The following ST3GAL3 variants were observed in gnomAD, a reference collection of about 807,000 sequenced individuals.
ST3GAL3 encodes ST3 beta-galactoside alpha-2,3-sialyltransferase 3.
A neutral mutation model predicts 50.1 loss-of-function variants in ST3GAL3; 21 were observed. That is an observed-to-expected ratio of 0.42 (90% confidence interval 0.30 to 0.60). The LOEUF (loss-of-function observed/expected upper bound fraction) is 0.60, where lower values mean the gene tolerates loss of function less well. Among genes scored for constraint, ST3GAL3 ranks in the 20% least tolerant of loss-of-function variants. The pLI is 0.19. For synonymous variants in ST3GAL3, 183 were observed against 190.0 expected (o/e 0.96, Z 0.30); for missense variants, 353 against 489.4 (o/e 0.72, Z 2.63).
intron 1 of ST3GAL3, among the ~76,000 whole-genome samples, chr1:43,717,024 T>C (rs1350057308): frequency 6.6e-6 from 1 of 152,208 alleles, no homozygotes; most frequent in Non-Finnish European, 1.5e-5. Flanking sequence ...TCATTGCCAA[T>C]GGGATAAATT....
chr1:43,874,595 A>G (rs927382919), intron 5 of ST3GAL3, among the ~76,000 whole-genome samples: 1 of 152,202 alleles, frequency 6.6e-6, no homozygotes, highest in African/African-American at 2.4e-5. Context: ...TCCAGAAATG[A>G]GATGATGTAA....
intron 5 of ST3GAL3, among the ~76,000 whole-genome samples, chr1:43,889,559 G>A (rs1413658282): frequency 6.6e-6 from 1 of 152,196 alleles, no homozygotes; most frequent in Admixed American, 6.5e-5. Context: ...TTCTAGTGGG[G>A]TATACCCTAA....
chr1:43,731,086 A>ACAGTGGTGCAACCTTGGCTTACTG lies in ST3GAL3; in HGVS notation c.-30-5144_-30-5121dup, dbSNP rs1324423112. On this transcript the variant is annotated intron_variant, in intron 1 of 11. Coordinates refer to ENST00000347631, the MANE Select transcript of ST3GAL3 (RefSeq NM_006279.5). ...CTCACTCTGTCATCCAGGCTGGAGT[A>ACAGTGGTGCAACCTTGGCTTACTG]CAGTGGTGCAACCTTGGCTTACTGC... 2.3e-4 allele frequency among the ~76,000 whole-genome samples: 35 copies of ACAGTGGTGCAACCTTGGCTTACTG among 151,958 alleles called. 1 individual carries two copies. The highest frequency in any genetic ancestry group is 2.0e-4 in the Admixed American group (3 of 15,244).
At position 43,921,002 on chromosome 1, in the gene ST3GAL3, G is replaced by C. The variant is rs906995429; in HGVS notation, c.1038+74G>C. The stretch of plus-strand genomic sequence containing the variant: ...GTGCATAAATGAGTAGTAAAGGGAG[G>C]AGCCAGTGGCTGGTCTGGCTGCCCA... On this transcript the variant is annotated intron_variant, in intron 11 of 11. Coordinates refer to ENST00000347631, the MANE Select transcript of ST3GAL3 (RefSeq NM_006279.5). 4 of 1,526,074 alleles carry C rather than the reference G, an allele frequency of 2.6e-6. No individual in the cohort carries two copies. The African/African-American group carries it at 5.5e-5, about 21-fold the overall frequency. The allele number at this position is 1,526,074 out of a possible 1,614,324, so 94.5% of individuals were successfully genotyped here. A position where few individuals can be genotyped will look rare whatever the true frequency, so the allele number is the denominator to read the frequency against.
chr1:43,815,794 T>G (rs1197455452), intron 4 of ST3GAL3, among the ~76,000 whole-genome samples: 4 of 152,132 alleles, frequency 2.6e-5, no homozygotes. Context: ...CCTTCCAGGA[T>G]CCTTCCCTAC....
intron 5 of ST3GAL3, among the ~76,000 whole-genome samples, chr1:43,865,753 A>G (rs2071176061): frequency 6.6e-6 from 1 of 152,224 alleles, no homozygotes; most frequent in Non-Finnish European, 1.5e-5. Flanking sequence ...TATTGTTTAC[A>G]GGACCTCTTG....
intron 1 of ST3GAL3, among the ~76,000 whole-genome samples, chr1:43,720,844 T>C (rs1343378322): frequency 6.6e-6 from 1 of 152,162 alleles, no homozygotes; most frequent in African/African-American, 2.4e-5. Flanking sequence ...CATAGCAGCG[T>C]TATTCAGCCA....
intron 3 of ST3GAL3, among the ~76,000 whole-genome samples, chr1:43,809,463 A>G (rs1264971142): frequency 2.0e-5 from 3 of 152,194 alleles, no homozygotes; most frequent in Non-Finnish European, 2.9e-5. Flanking sequence ...GCACTTTGGG[A>G]GGCTGAGGAA....
intron 2 of ST3GAL3, among the ~76,000 whole-genome samples, chr1:43,770,198 A>C (rs181085532): frequency 4.3e-5 from 6 of 140,834 alleles, no homozygotes; most frequent in Admixed American, 1.4e-4. Context: ...AAGAGAGAGG[A>C]GACAGAGAGA....
chr1:43,850,844 TC>T, intron 5 of ST3GAL3: 1 of 1,183,968 alleles, frequency 8.4e-7, no homozygotes, highest in Non-Finnish European at 1.3e-6. Flanking sequence ...TGTGGGGACC[TC>T]CCTGAAGGCC....
chr1:43,712,256 C>G (rs1348667295), intron 1 of ST3GAL3, among the ~76,000 whole-genome samples: 1 of 152,214 alleles, frequency 6.6e-6, no homozygotes, highest in Non-Finnish European at 1.5e-5. Context: ...TTAGAAGAAA[C>G]TTGAGAAATC....
At chr1:43,740,313 G>A (rs1042671241) in intron 2 of ST3GAL3, among the ~76,000 whole-genome samples, 2 of 150,714 alleles carry the variant, frequency 1.3e-5, no homozygotes, top group Non-Finnish European at 3.0e-5. Flanking sequence ...CAGTGAGCCT[G>A]GGCCACAGAG....
At chr1:43,911,915 C>T (rs1423128257) in intron 9 of ST3GAL3, 1 of 152,124 alleles carries the variant, frequency 6.6e-6, no homozygotes, top group Non-Finnish European at 1.5e-5. Flanking sequence ...GTCTCAAACT[C>T]GTCAGTTCAA....
intron 7 of ST3GAL3, among the ~76,000 whole-genome samples, chr1:43,898,899 C>T (rs2077796318): frequency 6.6e-6 from 1 of 152,198 alleles, no homozygotes; most frequent in Non-Finnish European, 1.5e-5. Flanking sequence ...CCCTCCTCAC[C>T]ACCCACGCCT....
chr1:43,759,027 G>A (rs1298762144), intron 2 of ST3GAL3, among the ~76,000 whole-genome samples: 4 of 150,810 alleles, frequency 2.7e-5, no homozygotes, highest in Admixed American at 6.6e-5. Flanking sequence ...GTGGGCAACA[G>A]AGCGAGACTG....
At position 43,905,580 on chromosome 1, in the gene ST3GAL3, TCC is replaced by T. The variant is rs1491297793; in HGVS notation, c.744+5854_744+5855del. 8.4e-4 allele frequency among the ~76,000 whole-genome samples: 47 copies of T among 55,870 alleles called. 5 individuals are homozygous for T. The highest frequency in any genetic ancestry group is 2.0e-3 in the South Asian group (2 of 988). The allele number at this position is 55,870 out of a possible 152,430, so 36.7% of individuals were successfully genotyped here. A position where few individuals can be genotyped will look rare whatever the true frequency, so the allele number is the denominator to read the frequency against. ...TTCCTGCCACTGTTTCTCCCCCTCC[TCC>T]TGCTTCTCTTCCCGCCACTGTTTCT... On this transcript the variant is annotated intron_variant, in intron 9 of 11. Transcript: ENST00000347631.
chr1:43,798,395 T>C (rs1558344138), intron 3 of ST3GAL3, among the ~76,000 whole-genome samples: 1 of 152,198 alleles, frequency 6.6e-6, no homozygotes, highest in Non-Finnish European at 1.5e-5. Flanking sequence ...AATCCAAACT[T>C]GTCCCTCCTT....
rs192866924 is a variant in ST3GAL3, at chr1:43,718,168, C to T, written c.-31+10475C>T. 3.0e-3 allele frequency among the ~76,000 whole-genome samples: 438 copies of T among 147,020 alleles called. 4 individuals are homozygous for T. The highest frequency in any genetic ancestry group is 0.011 in the African/African-American group (417 of 39,386). On this transcript the variant is annotated intron_variant, in intron 1 of 11. Coordinates refer to ENST00000347631, the MANE Select transcript of ST3GAL3 (RefSeq NM_006279.5). ...GATTAGAGGCGTGAACCACCACGCC[C>T]GGCTCTATCATTAAATCTTTTTTTT...
intron 5 of ST3GAL3, among the ~76,000 whole-genome samples, chr1:43,878,477 T>G (rs111420723): frequency 0.014 from 2,191 of 152,304 alleles, 51 homozygotes; most frequent in African/African-American, 0.05. Flanking sequence ...AATGAGAGAT[T>G]TGAGTAAAGA....
Sources: allele counts gnomAD v4.1 joint callset (sites outside exome capture counted in the v4.1 genomes callset), GRCh38; gene constraint gnomAD v4.1.1; transcripts MANE v1.5; gene names NCBI Gene and HGNC (gene_info 2026-07-23, HGNC 2026-07-21).